Variants in STK3 observed in about 807,000 individuals in gnomAD.
The protein encoded by STK3 is serine/threonine kinase 3, also known as serine/threonine-protein kinase 3.
A neutral mutation model predicts 58.0 loss-of-function variants in STK3; 41 were observed. The ratio of observed to expected loss-of-function variants is 0.71; its 90% confidence interval spans 0.55 to 0.92. The LOEUF (loss-of-function observed/expected upper bound fraction) is 0.92, where lower values mean the gene tolerates loss of function less well. Among genes scored for constraint, STK3 ranks in the 40% least tolerant of loss-of-function variants. The probability of loss-of-function intolerance (pLI) is 0.00; values close to 1 mark genes in which losing one functional copy is unlikely to be tolerated. For missense variants in STK3, 479 were observed against 602.7 expected (o/e 0.79, Z 2.15); for synonymous variants, 170 against 191.0 (o/e 0.89, Z 0.91).
chr8:98,471,351 CCTTTT>C (rs1820901780), intron 10 of STK3, among the ~76,000 whole-genome samples: 1 of 149,266 alleles, frequency 6.7e-6, no homozygotes, highest in Non-Finnish European at 1.5e-5. Context: ...TGGTTTTTTT[CCTTTT>C]CTTTTTTTTT....
intron 1 of STK3, among the ~76,000 whole-genome samples, chr8:98,803,909 T>C (rs886594068): frequency 1.3e-5 from 2 of 152,174 alleles, no homozygotes; most frequent in South Asian, 2.1e-4. Context: ...GTGGGAAAGA[T>C]AGATGAATAA....
At chr8:98,830,327 G>A (rs1202333888), upstream of STK3, among the ~76,000 whole-genome samples, 2 of 152,218 alleles carry the variant, frequency 1.3e-5, no homozygotes, top group African/African-American at 4.8e-5. Context: ...CTAAGGAAGT[G>A]GAGGCCAGAG....
chr8:98,459,484 T>C (rs1819768523), intron 10 of STK3, among the ~76,000 whole-genome samples: 1 of 152,208 alleles, frequency 6.6e-6, no homozygotes, highest in African/African-American at 2.4e-5. Context: ...AAAAACCTGT[T>C]TTCTGGGGGA....
chr8:98,905,005 A>T, intron 1 of STK3: 1 of 772,694 alleles, frequency 1.3e-6, no homozygotes, highest in Non-Finnish European at 2.4e-6. Flanking sequence ...CGCTTATAGT[A>T]GTGGAGTGCT....
At chr8:98,464,283 G>A (rs1310181701) in intron 10 of STK3, among the ~76,000 whole-genome samples, 1 of 152,066 alleles carries the variant, frequency 6.6e-6, no homozygotes, top group Non-Finnish European at 1.5e-5. Context: ...TTGTGGCCTG[G>A]AGCAACATAC....
downstream of STK3, chr8:98,883,631 C>G (rs780927096): frequency 2.8e-6 from 2 of 702,812 alleles, no homozygotes; most frequent in South Asian, 3.0e-5. Context: ...GGGACTGCAA[C>G]CAGGCATTTC....
chr8:98,587,095 C>T (rs1246430238), intron 7 of STK3, among the ~76,000 whole-genome samples: 2 of 152,020 alleles, frequency 1.3e-5, no homozygotes, highest in African/African-American at 4.8e-5. Flanking sequence ...GTCTCTGTTT[C>T]CTTCAGTTCT....
At chr8:98,716,262 T>C (rs970944486) in intron 4 of STK3, among the ~76,000 whole-genome samples, 2 of 152,096 alleles carry the variant, frequency 1.3e-5, no homozygotes, top group Non-Finnish European at 2.9e-5. Flanking sequence ...TGTGCACATG[T>C]ACCCTAAAAC....
At position 98,652,452 on chromosome 8, in the gene STK3, T is replaced by A. The variant is rs568692288; in HGVS notation, c.684+54015A>T. On this transcript the variant is annotated intron_variant, in intron 6 of 10. Coordinates refer to ENST00000419617, the MANE Select transcript of STK3 (RefSeq NM_006281.4). ...CGAGCAAAATAACCAGCTAACATCA[T>A]CATGACAGGATCAAATTCACACATA... Among the ~76,000 whole-genome samples the A allele has an allele frequency of 5.3e-5, 8 of 151,978 alleles. No individual in the cohort carries two copies. In the East Asian group the frequency reaches 9.7e-4, roughly 18 times the overall value.
intron 10 of STK3, among the ~76,000 whole-genome samples, chr8:98,495,132 C>T (rs1047141167): frequency 2.0e-5 from 3 of 152,148 alleles, no homozygotes; most frequent in Middle Eastern, 3.2e-3. Flanking sequence ...ATATTTTGCC[C>T]GTACATCTCC....
rs953866501 is a variant in STK3 at position 98,711,422 on chromosome 8, T to C, written c.352-4111A>G. Among the ~76,000 whole-genome samples, 15 of 151,432 alleles carry C rather than the reference T, an allele frequency of 9.9e-5. 1 individual carries two copies. The highest frequency in any genetic ancestry group is 3.2e-4 in the African/African-American group (13 of 41,176). ...ACAAATGGCTAACTAGAATAACCAA[T>C]GCAGAGAAGTCCTTAAAGGACCTGA... On this transcript the variant is annotated intron_variant, in intron 4 of 10. Transcript: ENST00000419617.
chr8:98,648,890 C>CA lies in STK3; in HGVS notation c.685-52722dup, dbSNP rs1190143845. On this transcript the variant is annotated intron_variant, in intron 6 of 10. Transcript: ENST00000419617. ...TGGGTGACAGAGCAAGACTCCGTCT[C>CA]AAAAAAAAAAAAAAAATTAGCCCGG... 7.9e-3 allele frequency among the ~76,000 whole-genome samples: 974 copies of CA among 122,838 alleles called. 7 individuals carry two copies. Among genetic ancestry groups the CA allele is most frequent in the Middle Eastern group, 0.05 (12 of 242 alleles). 80.6% of individuals were successfully genotyped at this position (122,838 alleles called of 152,430 possible).
At chr8:98,739,024 C>T (rs986414767) in intron 4 of STK3, among the ~76,000 whole-genome samples, 4 of 152,224 alleles carry the variant, frequency 2.6e-5, no homozygotes, top group Admixed American at 1.3e-4. Context: ...TGCAAGGCAG[C>T]GGCGAGGCTG....
chr8:98,675,046 G>A (rs184602406), intron 6 of STK3, among the ~76,000 whole-genome samples: 99 of 152,258 alleles, frequency 6.5e-4, no homozygotes, highest in Non-Finnish European at 1.1e-3. Context: ...AGCCTTCACT[G>A]TTTCAAAAGC....
At chr8:98,506,183 G>A (rs186018663) in intron 10 of STK3, among the ~76,000 whole-genome samples, 39 of 152,338 alleles carry the variant, frequency 2.6e-4, no homozygotes, top group African/African-American at 6.3e-4. Flanking sequence ...GCAAGGCTCC[G>A]TGGGCATGAG....
chr8:98,869,022 AGAAGGAAG>A (rs200905250), intron 3 of STK3, among the ~76,000 whole-genome samples: 8,900 of 111,684 alleles, frequency 0.08, 409 homozygotes, highest in South Asian at 0.11. Context: ...GAAAAAGGAA[AGAAGGAAG>A]GAAGGAAGGA....
At chr8:98,825,420 C>G (rs1272246466) in intron 1 of STK3, 95 bp downstream of exon 1, 1 of 1,171,254 alleles carries the variant, frequency 8.5e-7, no homozygotes, top group Non-Finnish European at 1.1e-6. Flanking sequence ...GCCCGGCGGG[C>G]GGGGAGAGGC....
chr8:98,547,964 C>T lies in STK3; in HGVS notation c.1141+5G>A. 6.4e-7 allele frequency: 1 copy of T among 1,564,228 alleles called. No individual in the cohort carries two copies. The highest frequency in any genetic ancestry group is 8.6e-7 in the Non-Finnish European group (1 of 1,156,924). On this transcript the variant is annotated splice_donor_5th_base_variant and intron_variant, in intron 9 of 10. Transcript: ENST00000419617. ...ACTAATATTTAATGTAAAAAAGCCA[C>T]ATACTTTTCATAGTTCCATCTTCTT...
At chr8:98,849,995 C>T (rs1836385195) in intron 3 of STK3, among the ~76,000 whole-genome samples, 1 of 152,130 alleles carries the variant, frequency 6.6e-6, no homozygotes, top group Non-Finnish European at 1.5e-5. Flanking sequence ...TATTCAATCT[C>T]ATAATTTTCA....
Sources: gnomAD v4.1 joint callset for allele counts (sites outside exome capture counted in the v4.1 genomes callset) on GRCh38, gnomAD v4.1.1 for gene constraint, MANE v1.5 for transcripts, NCBI Gene and HGNC (gene_info 2026-07-23, HGNC 2026-07-21) for gene names.